Variants in RTN1 observed in about 807,000 individuals in gnomAD.
The protein encoded by RTN1 is reticulon-1.
A neutral mutation model predicts 65.5 loss-of-function variants in RTN1; 25 were observed. That is an observed-to-expected ratio of 0.38 (90% confidence interval 0.28 to 0.53). The LOEUF is 0.53. Among genes scored for constraint, RTN1 ranks in the 20% least tolerant of loss-of-function variants. RTN1 has a pLI of 0.79. For synonymous variants in RTN1, 471 were observed against 447.6 expected, an observed-to-expected ratio of 1.05 and a Z score of -0.66; for missense variants, 983 against 1,025.4, an observed-to-expected ratio of 0.96 and a Z score of 0.57.
chr14:59,819,719 G>A (rs896113773), intron 1 of RTN1, among the ~76,000 whole-genome samples: 4 of 152,280 alleles, frequency 2.6e-5, no homozygotes, highest in Admixed American at 6.5e-5. Context: ...TGCCTTGTGG[G>A]GAGGCGGCTG....
chr14:59,735,715 C>G (rs934723433), intron 2 of RTN1, among the ~76,000 whole-genome samples: 3 of 152,174 alleles, frequency 2.0e-5, no homozygotes, highest in Admixed American at 2.0e-4. Flanking sequence ...GCACACAACA[C>G]GTGGGCACCC....
intron 3 of RTN1, among the ~76,000 whole-genome samples, chr14:59,710,721 C>T (rs1448703936): frequency 6.6e-6 from 1 of 152,214 alleles, no homozygotes; most frequent in Non-Finnish European, 1.5e-5. Flanking sequence ...AGCCTCAGGT[C>T]GGGGGCTGAT....
chr14:59,832,307 A>G (rs1266646526), intron 1 of RTN1, among the ~76,000 whole-genome samples: 1 of 151,998 alleles, frequency 6.6e-6, no homozygotes, highest in East Asian at 1.9e-4. Flanking sequence ...AAAGTTCCCT[A>G]CATCTTTTTT....
At chr14:59,722,390 C>A (rs1884665539) in intron 3 of RTN1, among the ~76,000 whole-genome samples, 3 of 152,008 alleles carry the variant, frequency 2.0e-5, no homozygotes. Flanking sequence ...TGGGTGACAG[C>A]AGCTTTGACA....
intron 8 of RTN1, 107 bp downstream of exon 8, chr14:59,602,958 A>T: frequency 1.3e-6 from 1 of 775,678 alleles, no homozygotes; most frequent in Non-Finnish European, 2.1e-6. Flanking sequence ...GTGAATGACC[A>T]TAAATCAATC....
chr14:59,658,205 T>C (rs1171222389), intron 3 of RTN1, among the ~76,000 whole-genome samples: 5 of 152,308 alleles, frequency 3.3e-5, no homozygotes, highest in African/African-American at 1.2e-4. Context: ...TCTAGATTAC[T>C]CCTCTCTGGG....
At chr14:59,643,870 C>G (rs1400422387) in intron 3 of RTN1, among the ~76,000 whole-genome samples, 3 of 149,546 alleles carry the variant, frequency 2.0e-5, no homozygotes, top group Non-Finnish European at 1.5e-5. Flanking sequence ...CATACAGAAA[C>G]AAAAGAATGA....
chr14:59,709,123 A>C (rs769410595), intron 3 of RTN1, among the ~76,000 whole-genome samples: 9 of 152,152 alleles, frequency 5.9e-5, no homozygotes, highest in Non-Finnish European at 1.2e-4. Context: ...CTAGTTATAT[A>C]AGAAAATGTC....
chr14:59,653,968 G>A (rs921121890), intron 3 of RTN1, among the ~76,000 whole-genome samples: 3 of 151,794 alleles, frequency 2.0e-5, no homozygotes, highest in Non-Finnish European at 2.9e-5. Flanking sequence ...GCACAATATC[G>A]GCTCACTGCA....
intron 1 of RTN1, among the ~76,000 whole-genome samples, chr14:59,857,016 G>C (rs1406432955): frequency 6.6e-6 from 1 of 152,120 alleles, no homozygotes; most frequent in Non-Finnish European, 1.5e-5. Flanking sequence ...CCAAAGCCAA[G>C]ACTAGATAAA....
intron 1 of RTN1, among the ~76,000 whole-genome samples, chr14:59,781,634 T>A (rs752665445): frequency 2.0e-5 from 3 of 152,134 alleles, no homozygotes; most frequent in Non-Finnish European, 4.4e-5. Flanking sequence ...TTCCAAGTAA[T>A]CATGAATAGT....
chr14:59,630,748 C>A, intron 3 of RTN1: 1 of 1,088,200 alleles, frequency 9.2e-7, no homozygotes. Context: ...ATGCGGGCGC[C>A]GCTCCACGCG....
At chr14:59,759,077 A>G (rs139477513) in intron 1 of RTN1, among the ~76,000 whole-genome samples, 2 of 152,286 alleles carry the variant, frequency 1.3e-5, no homozygotes, top group East Asian at 1.9e-4. Flanking sequence ...CAGGTCCCAT[A>G]TGGCACATCA....
chr14:59,819,994 A>G (rs1343246425), intron 1 of RTN1, among the ~76,000 whole-genome samples: 1 of 152,200 alleles, frequency 6.6e-6, no homozygotes, highest in African/African-American at 2.4e-5. Flanking sequence ...GGGCTCTCAC[A>G]GTGCAGCGGT....
intron 3 of RTN1, among the ~76,000 whole-genome samples, chr14:59,699,761 C>T (rs928836474): frequency 7.9e-5 from 12 of 152,204 alleles, no homozygotes; most frequent in African/African-American, 2.4e-4. Flanking sequence ...AAATAGAAAG[C>T]GATGATCCAG....
chr14:59,658,922 A>G lies in RTN1; in HGVS notation c.1766-51430T>C, dbSNP rs145253024. On this transcript the variant is annotated intron_variant, in intron 3 of 8. Coordinates refer to ENST00000267484, the MANE Select transcript of RTN1 (RefSeq NM_021136.3). ...AGAAGTAGGCTTCAGAAGGTGGGTG[A>G]TAACAAAATCCTCTGAGCTAAAGAA... Among the ~76,000 whole-genome samples, 374 of 152,314 alleles carry G rather than the reference A, an allele frequency of 2.5e-3. 1 individual carries two copies. Among genetic ancestry groups the G allele is most frequent in the Middle Eastern group, 6.8e-3 (2 of 294 alleles).
chr14:59,783,091 G>C (rs1566725565), intron 1 of RTN1, among the ~76,000 whole-genome samples: 1 of 152,166 alleles, frequency 6.6e-6, no homozygotes, highest in Non-Finnish European at 1.5e-5. Context: ...AAGCAAGACA[G>C]AAAAAAGGTT....
At chr14:59,702,290 C>T (rs750013856) in intron 3 of RTN1, among the ~76,000 whole-genome samples, 23 of 152,166 alleles carry the variant, frequency 1.5e-4, no homozygotes, top group Non-Finnish European at 2.6e-4. Context: ...GTCAAGGTTG[C>T]TTCCTCTTCA....
At chr14:59,819,422 C>A (rs1886891227) in intron 1 of RTN1, among the ~76,000 whole-genome samples, 2 of 13,718 alleles carry the variant, frequency 1.5e-4, no homozygotes, top group African/African-American at 4.2e-4. Flanking sequence ...CCACCCCCCC[C>A]CCACCCCCCA....
Sources: allele counts gnomAD v4.1 joint callset (sites outside exome capture counted in the v4.1 genomes callset), GRCh38; gene constraint gnomAD v4.1.1; transcripts MANE v1.5; gene names NCBI Gene and HGNC (gene_info 2026-07-23, HGNC 2026-07-21).